PROX1: variants seen among roughly 807,000 people sequenced by gnomAD.
The protein encoded by PROX1 is prospero homeobox 1, also known as prospero homeobox protein 1.
PROX1 carries 7 observed loss-of-function variants against 58.8 expected under a neutral mutation model. The observed-to-expected ratio is 0.12, with a 90% CI of 0.07 to 0.22. PROX1 has a LOEUF of 0.22. PROX1 is among the 10% of genes least tolerant of loss of function. The pLI is 1.00. For synonymous variants in PROX1, 350 were observed against 358.3 expected (o/e 0.98, Z 0.26); for missense variants, 675 against 927.8 (o/e 0.73, Z 3.54).
upstream of PROX1, chr1:213,985,962 T>C (rs568899810): frequency 6.6e-6 from 1 of 152,222 alleles, no homozygotes; most frequent in Non-Finnish European, 1.5e-5. Context: ...AACTTATATG[T>C]ACAAACCAAG....
intron 4 of PROX1, chr1:214,029,574 C>G (rs1664574916): frequency 6.6e-6 from 1 of 152,148 alleles, no homozygotes; most frequent in Non-Finnish European, 1.5e-5. Flanking sequence ...TTTTTAAAGG[C>G]CCACAGGGAC....
chr1:214,024,133 T>C (rs566061368), intron 4 of PROX1, among the ~76,000 whole-genome samples: 474 of 152,300 alleles, frequency 3.1e-3, no homozygotes, highest in African/African-American at 0.011. Context: ...TCAAGTCCCA[T>C]TGGGTAGGAG....
At chr1:214,017,686 A>AC (rs536943825) in intron 4 of PROX1, among the ~76,000 whole-genome samples, 10 of 149,634 alleles carry the variant, frequency 6.7e-5, no homozygotes, top group East Asian at 5.9e-4. Flanking sequence ...CACCTCCCGC[A>AC]CCCCCCCACA....
At chr1:214,007,906 C>A (rs1302766723) in intron 3 of PROX1, among the ~76,000 whole-genome samples, 1 of 152,168 alleles carries the variant, frequency 6.6e-6, no homozygotes, top group Non-Finnish European at 1.5e-5. Context: ...CATCATTTAT[C>A]TGGAACAAGA....
chr1:214,018,389 G>A (rs1027136842), intron 4 of PROX1, among the ~76,000 whole-genome samples: 5 of 152,134 alleles, frequency 3.3e-5, no homozygotes, highest in Non-Finnish European at 5.9e-5. Context: ...TAAAAATATT[G>A]TTTCTCCTTC....
At chr1:214,031,222 C>G (rs1664646457) in intron 4 of PROX1, among the ~76,000 whole-genome samples, 1 of 152,160 alleles carries the variant, frequency 6.6e-6, no homozygotes, top group African/African-American at 2.4e-5. Context: ...TTGGTAGAAG[C>G]TGATAGCCAA....
At chr1:214,029,873 A>G (rs948019472) in intron 4 of PROX1, 1 of 152,548 alleles carries the variant, frequency 6.6e-6, no homozygotes, top group African/African-American at 2.4e-5. Context: ...GCCATCTGAA[A>G]TATTCATGCA....
chr1:213,993,023 C>G (rs1663092016), intron 1 of PROX1, among the ~76,000 whole-genome samples: 1 of 152,000 alleles, frequency 6.6e-6, no homozygotes, highest in African/African-American at 2.4e-5. Context: ...TTGATTATAC[C>G]TGGATGTTTA....
At chr1:213,985,716 G>A (rs144804245), upstream of PROX1, 1 of 152,398 alleles carries the variant, frequency 6.6e-6, no homozygotes, top group African/African-American at 2.4e-5. Context: ...GGCGTGGTGT[G>A]TGCAAAACGT....
chr1:213,998,406 C>A, intron 2 of PROX1, 146 bp downstream of exon 2: 3 of 1,008,166 alleles, frequency 3.0e-6, no homozygotes, highest in Non-Finnish European at 4.1e-6. Context: ...AGGCTTTTAT[C>A]AGCATGCGTG....
chr1:213,997,948 C>A lies in PROX1; in HGVS notation c.1413C>A (p.Ala471=), dbSNP rs747217851. Residue 471 remains alanine, a synonymous_variant, in exon 2 of 5, where the codon GCC becomes GCA. Transcript: ENST00000366958. This position sits in a 1 kb window ranked among gnomAD's most constrained non-coding sequence, Gnocchi z 7.1. The part of the protein sequence containing the change: ...HQPLHQSPLS[A]TTGFTTSTFR... ...CCCTGCACCAGTCGCCTCTCTCTGC[C>A]ACCACGGGCTTCACCACGTCCACCT... is the stretch of plus-strand genomic sequence containing the variant. The A allele has an allele frequency of 1.2e-6, 2 of 1,613,888 alleles. No homozygotes were observed. Among genetic ancestry groups the A allele is most frequent in the Non-Finnish European group, 1.7e-6 (2 of 1,179,950 alleles).
chr1:213,990,501 G>A (rs930493678), intron 1 of PROX1, among the ~76,000 whole-genome samples: 2 of 152,036 alleles, frequency 1.3e-5, no homozygotes, highest in African/African-American at 4.8e-5. Context: ...GTCTACTGCT[G>A]AGGCTGTGTC....
chr1:214,015,810 C>T (rs1018269691), intron 4 of PROX1, among the ~76,000 whole-genome samples: 1 of 152,188 alleles, frequency 6.6e-6, no homozygotes, highest in African/African-American at 2.4e-5. Context: ...CTCTCTTTCT[C>T]ATTCCAGGGT....
chr1:213,993,608 C>T (rs1193352276), intron 1 of PROX1, among the ~76,000 whole-genome samples: 1 of 152,094 alleles, frequency 6.6e-6, no homozygotes, highest in Non-Finnish European at 1.5e-5. Flanking sequence ...TAATAAAGTG[C>T]TGTGTCAACC....
chr1:213,992,350 T>G (rs1158806492), intron 1 of PROX1, among the ~76,000 whole-genome samples: 3 of 152,244 alleles, frequency 2.0e-5, no homozygotes, highest in East Asian at 3.9e-4. Flanking sequence ...CTTAACCTGA[T>G]AGGGAGCAGA....
At chr1:213,987,129 C>T (rs1337403755), upstream of PROX1, among the ~76,000 whole-genome samples, 1 of 152,192 alleles carries the variant, frequency 6.6e-6, no homozygotes, top group Non-Finnish European at 1.5e-5. Context: ...TTAAAGGCTG[C>T]TTTACCTACA....
Position 214,011,502 on chromosome 1 carries a change from C to A in PROX1, c.1834-19C>A. On this transcript the variant is annotated intron_variant, in intron 3 of 4. Coordinates refer to ENST00000366958, the MANE Select transcript of PROX1 (RefSeq NM_001270616.2). ...AAAATGGCAATGTTCTTATCCTTTTCAACATTTAAATTTAACAGTTCAACA... is the reference window on the plus strand; with the variant it reads ...AAAATGGCAATGTTCTTATCCTTTTAAACATTTAAATTTAACAGTTCAACA... 6.3e-7 allele frequency: 1 copy of A among 1,590,584 alleles called. No individual in the cohort carries two copies. Among genetic ancestry groups the A allele is most frequent in the South Asian group, 1.1e-5 (1 of 88,056 alleles).
chr1:213,984,317 G>T (rs1160363327), upstream of PROX1: 1 of 152,168 alleles, frequency 6.6e-6, no homozygotes, highest in Non-Finnish European at 1.5e-5. Context: ...AAGCAATGTG[G>T]CAGACTCTTA....
Position 213,997,624 on chromosome 1 carries a change from T to C in PROX1, c.1089T>C (p.Val363=), listed in dbSNP as rs766314106. 3.1e-6 allele frequency: 5 copies of C among 1,614,070 alleles called. No homozygotes were observed. The highest frequency in any genetic ancestry group is 4.2e-6 in the Non-Finnish European group (5 of 1,180,044). The stretch of plus-strand genomic sequence containing the variant: ...AACTGAACACTGCCATGTCGCAAGT[T>C]GTGGACACTGTGGTCAAAGTCTTTT... ...KQELNTAMSQ[V]VDTVVKVFSA... is the part of the protein sequence containing the mutation. The change falls in exon 2 of 5, where the codon GTT becomes GTC. Residue 363 remains valine (V), a synonymous_variant. Transcript: ENST00000366958. This position sits in a 1 kb window ranked among gnomAD's most constrained non-coding sequence, Gnocchi z 7.1.
Sources: allele counts gnomAD v4.1 joint callset (sites outside exome capture counted in the v4.1 genomes callset), GRCh38; gene constraint gnomAD v4.1.1; non-coding constraint Gnocchi (gnomAD v3.1); transcripts MANE v1.5; gene names NCBI Gene and HGNC (gene_info 2026-07-23, HGNC 2026-07-21).